LYN: variants seen among roughly 807,000 people sequenced by gnomAD.
LYN encodes tyrosine-protein kinase Lyn.
In LYN, 12 loss-of-function variants were observed where a neutral mutation model predicts 65.0. The ratio of observed to expected loss-of-function variants is 0.18; its 90% CI spans 0.12 to 0.30. The LOEUF is 0.30. LYN is among the 10% of genes least tolerant of loss of function. The probability of loss-of-function intolerance (pLI) is 1.00; values close to 1 mark genes in which losing one functional copy is unlikely to be tolerated. For synonymous variants in LYN, 222 were observed against 221.2 expected (o/e 1.00, Z -0.03); for missense variants, 380 against 623.2 (o/e 0.61, Z 4.16).
chr8:55,950,745 G>T lies in LYN; in HGVS notation c.448G>T (p.Ala150Ser), dbSNP rs141769918. The change falls in exon 6 of 13, where the codon GCT becomes TCT. Residue 150 changes from alanine (A) to serine (S), a missense_variant. This residue lies in a region of LYN where 157 missense variants were observed against 193.2 expected (regional missense o/e 0.81). Transcript: ENST00000519728. Reference sequence around the variant, plus strand: ...GCAGCTTTTGGCACCAGGAAATAGCGCTGGAGCTTTCCTTATTAGAGAAAG... The same window carrying T: ...GCAGCTTTTGGCACCAGGAAATAGCTCTGGAGCTTTCCTTATTAGAGAAAG... ...ERQLLAPGNS[A>S]GAFLIRESET... 2.2e-5 allele frequency: 35 copies of T among 1,613,784 alleles called. No individual in the cohort carries two copies. The highest frequency in any genetic ancestry group is 3.0e-5 in the Non-Finnish European group (35 of 1,179,778).
At chr8:55,976,991 C>A (rs1459250704) in intron 10 of LYN, among the ~76,000 whole-genome samples, 1 of 152,038 alleles carries the variant, frequency 6.6e-6, no homozygotes, top group African/African-American at 2.4e-5. Flanking sequence ...TTGAGACCAG[C>A]CTGGCCAACA....
chr8:55,943,257 A>G (rs989013377), intron 2 of LYN, among the ~76,000 whole-genome samples: 3 of 152,172 alleles, frequency 2.0e-5, no homozygotes, highest in African/African-American at 2.4e-5. Context: ...GGAATTCTGC[A>G]GCATTTAAGC....
chr8:55,966,933 T>G, intron 9 of LYN, 36 bp downstream of exon 9: 1 of 1,583,190 alleles, frequency 6.3e-7, no homozygotes, highest in Non-Finnish European at 8.6e-7. Flanking sequence ...TTGCAAGGGC[T>G]TCAAACTCAA....
chr8:55,982,946 C>T lies in LYN; in HGVS notation c.1050+13153C>T, dbSNP rs566117680. 7.2e-5 allele frequency among the ~76,000 whole-genome samples: 11 copies of T among 152,236 alleles called. No individual in the cohort carries two copies. The East Asian group carries it at 1.4e-3, about 19-fold the overall frequency. On this transcript the variant is annotated intron_variant, in intron 10 of 12. Transcript: ENST00000519728. Reference sequence around the variant, plus strand: ...AACCTGCCTGTCCCTACCGCCCCTCCGCTCCTGCTTCTCTTCTCTCCTCCC... The same window carrying T: ...AACCTGCCTGTCCCTACCGCCCCTCTGCTCCTGCTTCTCTTCTCTCCTCCC...
chr8:55,969,617 TG>T (rs1201165459), intron 9 of LYN, 99 bp from the exon 10 acceptor site: 2 of 898,158 alleles, frequency 2.2e-6, no homozygotes, highest in African/African-American at 3.3e-5. Flanking sequence ...CCAATCATTT[TG>T]TGGGGAGTTC....
chr8:55,947,488 G>A, intron 3 of LYN, 130 bp from the exon 4 acceptor site: 2 of 684,988 alleles, frequency 2.9e-6, no homozygotes, highest in Non-Finnish European at 2.6e-6. Flanking sequence ...AGCCCACTAG[G>A]CAGGAAGCAC....
chr8:55,888,301 A>T (rs1259753260), intron 1 of LYN, among the ~76,000 whole-genome samples: 1 of 152,190 alleles, frequency 6.6e-6, no homozygotes, highest in Non-Finnish European at 1.5e-5. Flanking sequence ...GTCATTCCAC[A>T]TTACCAGAGC....
intron 1 of LYN, among the ~76,000 whole-genome samples, chr8:55,908,488 G>T (rs1374636521): frequency 2.6e-5 from 4 of 151,940 alleles, no homozygotes; most frequent in Non-Finnish European, 5.9e-5. Context: ...CAGGTGATCC[G>T]CCCACCTCAG....
At chr8:55,899,936 C>T (rs566346181) in intron 1 of LYN, among the ~76,000 whole-genome samples, 3 of 152,190 alleles carry the variant, frequency 2.0e-5, no homozygotes, top group Non-Finnish European at 4.4e-5. Context: ...CCACCGTGCC[C>T]AGCCTTATCA....
At chr8:55,920,977 G>A (rs543893523) in intron 1 of LYN, among the ~76,000 whole-genome samples, 7 of 152,126 alleles carry the variant, frequency 4.6e-5, no homozygotes, top group East Asian at 3.9e-4. Flanking sequence ...GATTACAGGC[G>A]TGAACCACCG....
chr8:55,885,713 G>C (rs527400132), intron 1 of LYN, among the ~76,000 whole-genome samples: 3 of 152,348 alleles, frequency 2.0e-5, no homozygotes, highest in African/African-American at 7.2e-5. Flanking sequence ...AGGCTCTCTG[G>C]AGAGGGAGGA....
intron 1 of LYN, among the ~76,000 whole-genome samples, chr8:55,906,734 AAG>A (rs567405661): frequency 1.6e-5 from 2 of 123,836 alleles, no homozygotes; most frequent in Non-Finnish European, 3.4e-5. Context: ...AGAAAAAAAA[AAG>A]AGAGAGAGAG....
At chr8:55,994,069 C>A (rs1443460804) in intron 10 of LYN, among the ~76,000 whole-genome samples, 2 of 152,174 alleles carry the variant, frequency 1.3e-5, no homozygotes, top group African/African-American at 4.8e-5. Flanking sequence ...TGATTTCTTC[C>A]TGCTGTTTGA....
At chr8:55,978,865 T>C (rs1807836771) in intron 10 of LYN, among the ~76,000 whole-genome samples, 1 of 152,198 alleles carries the variant, frequency 6.6e-6, no homozygotes. Context: ...TCCCTCTTCC[T>C]GATCCCTAGA....
chr8:55,951,969 G>T lies in LYN; in HGVS notation c.491G>T (p.Ser164Ile). Reference protein sequence around the residue: ...LIRESETLKGSFSLSVRDFDP... With the variant: ...LIRESETLKGIFSLSVRDFDP... ...ACTTACACTTTTCCCCCCATAGGAA[G>T]CTTCTCTCTGTCTGTCAGAGACTTT... The change falls in exon 7 of 13, where the codon AGC becomes ATC. Residue 164 changes from serine (S) to isoleucine (I), a missense_variant. Ser to Ile is a moderately radical substitution (Grantham distance 142, BLOSUM62 -2). Transcript: ENST00000519728. The T allele has an allele frequency of 1.2e-6, 2 of 1,610,098 alleles. No individual in the cohort carries two copies. Among genetic ancestry groups the T allele is most frequent in the Non-Finnish European group, 1.7e-6 (2 of 1,178,958 alleles).
chr8:55,961,179 C>T (rs1259938406), intron 8 of LYN, among the ~76,000 whole-genome samples: 10 of 152,184 alleles, frequency 6.6e-5, no homozygotes, highest in African/African-American at 2.4e-4. Context: ...TTTTGTGGTA[C>T]GTGGGCACTT....
chr8:55,956,430 A>T (rs1777410361), intron 8 of LYN, among the ~76,000 whole-genome samples: 1 of 152,164 alleles, frequency 6.6e-6, no homozygotes, highest in Non-Finnish European at 1.5e-5. Context: ...CCTATTCTTA[A>T]TGATGTTCTA....
intron 10 of LYN, among the ~76,000 whole-genome samples, chr8:55,976,266 G>A (rs541423618): frequency 2.0e-5 from 3 of 148,290 alleles, no homozygotes; most frequent in African/African-American, 7.6e-5. Flanking sequence ...GGCAGAGGTT[G>A]CAGTGAGCCA....
intron 8 of LYN, among the ~76,000 whole-genome samples, chr8:55,954,613 A>G (rs1025196848): frequency 6.6e-6 from 1 of 152,124 alleles, no homozygotes; most frequent in African/African-American, 2.4e-5. Context: ...CTGAAGCAGG[A>G]AGATTGCTTG....
Sources: gnomAD v4.1 joint callset for allele counts (sites outside exome capture counted in the v4.1 genomes callset) on GRCh38, gnomAD v4.1.1 for gene constraint, gnomAD v4.1.1 regional missense constraint, MANE v1.5 for transcripts, NCBI Gene and HGNC (gene_info 2026-07-23, HGNC 2026-07-21) for gene names.